Variants in VAV2 observed in about 807,000 individuals in gnomAD.
VAV2 encodes the protein vav guanine nucleotide exchange factor 2.
Under a neutral mutation model 132.5 loss-of-function variants are expected in VAV2, and 67 were observed. The observed-to-expected ratio is 0.51, with a 90% confidence interval of 0.42 to 0.62. The LOEUF is 0.62. Among genes scored for constraint, VAV2 ranks in the 20% least tolerant of loss-of-function variants. The pLI is 0.00. For missense variants in VAV2, 938 were observed against 1,153.6 expected (o/e 0.81, Z 2.71); for synonymous variants, 492 against 443.5 (o/e 1.11, Z -1.37).
intron 2 of VAV2, among the ~76,000 whole-genome samples, chr9:133,878,452 A>T (rs1217974941): frequency 6.6e-6 from 1 of 152,198 alleles, no homozygotes; most frequent in Non-Finnish European, 1.5e-5. Context: ...AGTGAGGCAG[A>T]GTCTTGGTTT....
chr9:133,800,387 T>C (rs1041339179), intron 9 of VAV2, among the ~76,000 whole-genome samples: 1 of 151,902 alleles, frequency 6.6e-6, no homozygotes, highest in African/African-American at 2.4e-5. Context: ...GGAGGACGAG[T>C]CTGGGCTGGG....
rs1840184427 is a variant in VAV2 at position 133,918,551 on chromosome 9, T to A, written c.321+20552A>T. 6.7e-6 allele frequency among the ~76,000 whole-genome samples: 1 copy of A among 149,446 alleles called. No homozygotes were observed. The highest frequency in any genetic ancestry group is 2.5e-5 in the African/African-American group (1 of 39,436). On this transcript the variant is annotated intron_variant, in intron 2 of 29. Transcript: ENST00000371850. This position sits in a 1 kb window ranked among gnomAD's most constrained non-coding sequence, Gnocchi z 4.7. ...GTGCCAAGTCCTTCACGGCAGCTCA[T>A]TCGTTCCTGCCTCACAACTCCACGT...
intron 2 of VAV2, among the ~76,000 whole-genome samples, chr9:133,898,156 G>A (rs536688464): frequency 2.8e-4 from 42 of 152,250 alleles, no homozygotes; most frequent in African/African-American, 8.9e-4. Context: ...GGCCTGCCCC[G>A]GGCTGCAAAG....
At chr9:133,923,461 T>A (rs1840364990) in intron 2 of VAV2, among the ~76,000 whole-genome samples, 1 of 152,200 alleles carries the variant, frequency 6.6e-6, no homozygotes, top group African/African-American at 2.4e-5. Flanking sequence ...TCACACCAGT[T>A]AGAATGGTGA....
Position 133,797,827 on chromosome 9 carries a change from ACGCACACACG to A in VAV2, c.837-28_837-19del. 6.2e-7 allele frequency: 1 copy of A among 1,603,466 alleles called. No homozygotes were observed. Among genetic ancestry groups the A allele is most frequent in the Non-Finnish European group, 8.5e-7 (1 of 1,174,398 alleles). On this transcript the variant is annotated intron_variant, in intron 9 of 29. Coordinates refer to ENST00000371850, the MANE Select transcript of VAV2 (RefSeq NM_001134398.2). ...TCAGAAGCCTGGACGGTGCACACAC[ACGCACACACG>A]CACACAGATTTAATGAGCAGCTCGG...
rs1837699462 is a variant in VAV2 at position 133,863,982 on chromosome 9, C to T, written c.322-2550G>A. ...TCCCCAGGGCACCTCTGGCTGTGCC[C>T]ACCCCACTCCCAGGACAGACAGAGA... On this transcript the variant is annotated intron_variant, in intron 2 of 29. Coordinates refer to ENST00000371850, the MANE Select transcript of VAV2 (RefSeq NM_001134398.2). This position sits in a 1 kb window ranked among gnomAD's most constrained non-coding sequence, Gnocchi z 5.0. Among the ~76,000 whole-genome samples, 1 of 152,176 alleles carries T rather than the reference C, an allele frequency of 6.6e-6. No homozygotes were observed. Among genetic ancestry groups the T allele is most frequent in the South Asian group, 2.1e-4 (1 of 4,826 alleles).
At chr9:133,910,417 C>G (rs905438705) in intron 2 of VAV2, among the ~76,000 whole-genome samples, 3 of 152,078 alleles carry the variant, frequency 2.0e-5, no homozygotes, top group Non-Finnish European at 4.4e-5. Context: ...AAGGGGGCAC[C>G]GTGCGGTGGG....
chr9:133,860,227 G>A (rs796726662), intron 3 of VAV2, among the ~76,000 whole-genome samples: 9 of 151,906 alleles, frequency 5.9e-5, no homozygotes, highest in Admixed American at 3.9e-4. Context: ...GTGTGAACCC[G>A]GGAGACGGAG....
chr9:133,793,771 T>G (rs1834595131), intron 12 of VAV2, among the ~76,000 whole-genome samples: 2 of 151,664 alleles, frequency 1.3e-5, no homozygotes, highest in Admixed American at 1.3e-4. Context: ...GAGACAAACC[T>G]CAGGCCCACA....
rs1329413209 is a variant in VAV2, at chr9:133,918,835, G to A, written c.321+20268C>T. On this transcript the variant is annotated intron_variant, in intron 2 of 29. Transcript: ENST00000371850. This position sits in a 1 kb window ranked among gnomAD's most constrained non-coding sequence, Gnocchi z 4.7. ...CTGTCGCCCAGGCTGAAGTGCAGTGGTGCGATCTCGGCTCACTGCAACCTC... is the reference window on the plus strand; with the variant it reads ...CTGTCGCCCAGGCTGAAGTGCAGTGATGCGATCTCGGCTCACTGCAACCTC... Among the ~76,000 whole-genome samples, 1 of 152,194 alleles carries A rather than the reference G, an allele frequency of 6.6e-6. No individual in the cohort carries two copies. Among genetic ancestry groups the A allele is most frequent in the Non-Finnish European group, 1.5e-5 (1 of 68,014 alleles).
chr9:133,833,601 C>T lies in VAV2; in HGVS notation c.449+671G>A, dbSNP rs1836347915. Among the ~76,000 whole-genome samples the T allele has an allele frequency of 6.6e-6, 1 of 152,130 alleles. No individual in the cohort carries two copies. The highest frequency in any genetic ancestry group is 2.4e-5 in the African/African-American group (1 of 41,438). On this transcript the variant is annotated intron_variant, in intron 4 of 29. Transcript: ENST00000371850. This position sits in a 1 kb window ranked among gnomAD's most constrained non-coding sequence, Gnocchi z 5.6. ...CCAGGTCCCTCACCTGCAGGTGAGG[C>T]CCCTTCCTCCTACCCTCCTACCTCC... is the stretch of plus-strand genomic sequence containing the variant.
In VAV2 at chr9:133,794,889, C is replaced by T. The variant is rs987404007; in HGVS notation, c.1101+779G>A. On this transcript the variant is annotated intron_variant, in intron 12 of 29. Coordinates refer to ENST00000371850, the MANE Select transcript of VAV2 (RefSeq NM_001134398.2). This position sits in a 1 kb window ranked among gnomAD's most constrained non-coding sequence, Gnocchi z 4.6. ...CACGAGGAAGCCAGTTCCCTGAGGA[C>T]AGAACCCAGTGGGGGGCGATCCTCC... 2.0e-5 allele frequency among the ~76,000 whole-genome samples: 3 copies of T among 152,194 alleles called. No homozygotes were observed. The highest frequency in any genetic ancestry group is 6.5e-5 in the Admixed American group (1 of 15,280).
In VAV2 at chr9:133,768,436, A is replaced by G. The variant is rs1245856132; in HGVS notation, c.2589+6T>C. The G allele has an allele frequency of 6.8e-6, 11 of 1,611,396 alleles. No homozygotes were observed. The highest frequency in any genetic ancestry group is 5.5e-5 in the South Asian group (5 of 90,982). ...AGCCCCACACCCTCAGGGTGGGGCC[A>G]CTCACCCGTCCGTTGGTCTCGCCCT... On this transcript the variant is annotated splice_donor_region_variant and intron_variant, in intron 29 of 29. Coordinates refer to ENST00000371850, the MANE Select transcript of VAV2 (RefSeq NM_001134398.2). The surrounding 1 kb of genome is among the most constrained non-coding windows in gnomAD (Gnocchi z 5.3).
chr9:133,839,800 T>C (rs1836646232), intron 3 of VAV2, among the ~76,000 whole-genome samples: 1 of 152,188 alleles, frequency 6.6e-6, no homozygotes, highest in Non-Finnish European at 1.5e-5. Context: ...CACAGAGGTA[T>C]TTAAGTCACC....
At chr9:133,946,396 G>A (rs537419780) in intron 1 of VAV2, among the ~76,000 whole-genome samples, 4 of 152,346 alleles carry the variant, frequency 2.6e-5, no homozygotes, top group African/African-American at 9.6e-5. Flanking sequence ...AAGCAACAGG[G>A]CACCACAGCT....
At chr9:133,771,191 G>A (rs888314015) in intron 26 of VAV2, among the ~76,000 whole-genome samples, 11 of 151,044 alleles carry the variant, frequency 7.3e-5, no homozygotes, top group Admixed American at 2.7e-4. Flanking sequence ...AGCCTCCCAA[G>A]TAGGGGGGAC....
In VAV2 at chr9:133,826,695, C is replaced by T. The variant is rs1206833354; in HGVS notation, c.449+7577G>A. 6.6e-6 allele frequency among the ~76,000 whole-genome samples: 1 copy of T among 152,160 alleles called. No homozygotes were observed. ...GCTAAATAAAGCTTGGTCTCATGTC[C>T]ATGTCCTTCCTTTGGCCTCTCTTCT... On this transcript the variant is annotated intron_variant, in intron 4 of 29. Coordinates refer to ENST00000371850, the MANE Select transcript of VAV2 (RefSeq NM_001134398.2). This position sits in a 1 kb window ranked among gnomAD's most constrained non-coding sequence, Gnocchi z 4.2.
chr9:133,832,268 A>G (rs1836292137), intron 4 of VAV2, among the ~76,000 whole-genome samples: 1 of 152,364 alleles, frequency 6.6e-6, no homozygotes, highest in East Asian at 1.9e-4. Context: ...AGCTTCACAC[A>G]GTGGGAGACA....
intron 3 of VAV2, among the ~76,000 whole-genome samples, chr9:133,841,802 A>G (rs1238787516): frequency 6.6e-6 from 1 of 152,160 alleles, no homozygotes; most frequent in African/African-American, 2.4e-5. Flanking sequence ...AGCAATTGCT[A>G]AGACCAAGGG....
Sources: allele counts gnomAD v4.1 joint callset (sites outside exome capture counted in the v4.1 genomes callset), GRCh38; gene constraint gnomAD v4.1.1; non-coding constraint Gnocchi (gnomAD v3.1); transcripts MANE v1.5; gene names NCBI Gene and HGNC (gene_info 2026-07-23, HGNC 2026-07-21).